The following STPG2 variants were observed in gnomAD, a reference collection of about 807,000 sequenced individuals.
STPG2 encodes sperm tail PG-rich repeat containing 2.
Under a neutral mutation model 54.2 loss-of-function variants are expected in STPG2, and 56 were observed. The ratio of observed to expected loss-of-function variants is 1.03; its 90% CI spans 0.83 to 1.29. STPG2 has a LOEUF of 1.29. Ranked by LOEUF, STPG2 falls within the 50% of genes most tolerant of loss-of-function variation. The probability of loss-of-function intolerance (pLI) is 0.00; values close to 1 mark genes in which losing one functional copy is unlikely to be tolerated. For missense variants in STPG2, 596 were observed against 544.9 expected (o/e 1.09, Z -0.93); for synonymous variants, 200 against 181.8 (o/e 1.10, Z -0.81).
chr4:97,567,215 C>T (rs938867803), intron 10 of STPG2, among the ~76,000 whole-genome samples: 4 of 150,956 alleles, frequency 2.6e-5, no homozygotes, highest in East Asian at 1.9e-4. Flanking sequence ...CACACATACA[C>T]ACACACACAC....
chr4:97,760,084 C>T (rs1233576638), intron 9 of STPG2, among the ~76,000 whole-genome samples: 1 of 152,138 alleles, frequency 6.6e-6, no homozygotes, highest in East Asian at 1.9e-4. Flanking sequence ...TGGGCTATCG[C>T]TCAAACAGGA....
intron 9 of STPG2, among the ~76,000 whole-genome samples, chr4:97,822,174 T>C (rs1728114979): frequency 6.6e-6 from 1 of 152,236 alleles, no homozygotes. Context: ...AAACAGGCCA[T>C]TTCTTAAATG....
At chr4:97,606,454 A>G (rs1035607065) in intron 10 of STPG2, among the ~76,000 whole-genome samples, 1 of 151,918 alleles carries the variant, frequency 6.6e-6, no homozygotes, top group Non-Finnish European at 1.5e-5. Context: ...AAGTGTAAAA[A>G]TATTTTATTG....
At chr4:97,542,142 G>T (rs1731724801) in intron 4 of STPG2, among the ~76,000 whole-genome samples, 1 of 152,100 alleles carries the variant, frequency 6.6e-6, no homozygotes, top group African/African-American at 2.4e-5. Flanking sequence ...AAACTAAAGA[G>T]CTTCTGCACT....
intron 4 of STPG2, among the ~76,000 whole-genome samples, chr4:97,480,834 T>C (rs1388779319): frequency 6.6e-6 from 1 of 151,570 alleles, no homozygotes; most frequent in Non-Finnish European, 1.5e-5. Context: ...AAACTATATG[T>C]TTTTAAAACA....
chr4:97,721,310 C>A (rs886278024), intron 9 of STPG2, among the ~76,000 whole-genome samples: 1 of 152,100 alleles, frequency 6.6e-6, no homozygotes, highest in African/African-American at 2.4e-5. Context: ...TAATGGACAT[C>A]ATATCTACCA....
At chr4:98,045,114 A>AG (rs1737085633) in intron 5 of STPG2, among the ~76,000 whole-genome samples, 1 of 146,324 alleles carries the variant, frequency 6.8e-6, no homozygotes, top group African/African-American at 2.5e-5. Flanking sequence ...AAAAAAAAAA[A>AG]GGAAAAACAA....
chr4:97,971,730 T>G (rs1192982581), intron 7 of STPG2, among the ~76,000 whole-genome samples: 1 of 151,918 alleles, frequency 6.6e-6, no homozygotes, highest in Non-Finnish European at 1.5e-5. Context: ...GAAACCAACA[T>G]GGAACATGTA....
At chr4:97,809,474 G>A (rs1727671189) in intron 9 of STPG2, among the ~76,000 whole-genome samples, 1 of 152,176 alleles carries the variant, frequency 6.6e-6, no homozygotes, top group Non-Finnish European at 1.5e-5. Flanking sequence ...TCAGCTGAAT[G>A]AGCTGGACCC....
chr4:97,877,502 G>C (rs1441100036), intron 8 of STPG2, among the ~76,000 whole-genome samples: 3 of 152,134 alleles, frequency 2.0e-5, no homozygotes, highest in Admixed American at 6.6e-5. Flanking sequence ...TATCATTATG[G>C]TGAAAGGCAA....
At chr4:97,912,797 T>A (rs1271509035) in intron 8 of STPG2, among the ~76,000 whole-genome samples, 4 of 152,220 alleles carry the variant, frequency 2.6e-5, no homozygotes, top group African/African-American at 4.8e-5. Context: ...ATGCCATGCA[T>A]TGGCATTTTG....
chr4:97,907,880 A>C (rs1302978266), intron 8 of STPG2, among the ~76,000 whole-genome samples: 2 of 152,210 alleles, frequency 1.3e-5, no homozygotes, highest in African/African-American at 2.4e-5. Flanking sequence ...AGATGGATTA[A>C]AGACTTAAAC....
chr4:97,849,893 C>A (rs972915157), intron 8 of STPG2, among the ~76,000 whole-genome samples: 1 of 152,040 alleles, frequency 6.6e-6, no homozygotes, highest in African/African-American at 2.4e-5. Flanking sequence ...ACTAGAAATA[C>A]CATTTGACCC....
At chr4:97,521,700 T>C (rs147875609) in intron 4 of STPG2, among the ~76,000 whole-genome samples, 33 of 152,118 alleles carry the variant, frequency 2.2e-4, no homozygotes, top group African/African-American at 7.7e-4. Flanking sequence ...CATATACAAC[T>C]TAAAATATGT....
intron 10 of STPG2, among the ~76,000 whole-genome samples, chr4:97,622,272 G>A (rs1443003341): frequency 6.6e-6 from 1 of 152,076 alleles, no homozygotes. Flanking sequence ...CTAAGTCCTA[G>A]CAAGAGCAAT....
intron 9 of STPG2, among the ~76,000 whole-genome samples, chr4:97,837,411 C>A (rs1260022361): frequency 6.6e-6 from 1 of 151,642 alleles, no homozygotes; most frequent in Non-Finnish European, 1.5e-5. Context: ...ATACCCCTGC[C>A]CCCAACCCAT....
At chr4:97,981,407 C>T (rs1734672516) in intron 5 of STPG2, 89 bp from the exon 6 acceptor site, 8 of 1,284,876 alleles carry the variant, frequency 6.2e-6, no homozygotes, top group Admixed American at 2.4e-5. Flanking sequence ...AGTAATATAA[C>T]ATCTGGAGTT....
At chr4:98,114,085 T>A (rs905276885) in intron 3 of STPG2, among the ~76,000 whole-genome samples, 1 of 151,970 alleles carries the variant, frequency 6.6e-6, no homozygotes, top group Non-Finnish European at 1.5e-5. Flanking sequence ...CAGTGGCAAT[T>A]CCAAAGACTG....
chr4:98,125,027 A>T (rs1739790663), intron 3 of STPG2, among the ~76,000 whole-genome samples: 1 of 152,164 alleles, frequency 6.6e-6, no homozygotes, highest in Non-Finnish European at 1.5e-5. Flanking sequence ...AGCTCCATCA[A>T]GGTGTTTATG....
Sources: allele counts gnomAD v4.1 joint callset (sites outside exome capture counted in the v4.1 genomes callset), GRCh38; gene constraint gnomAD v4.1.1; transcripts MANE v1.5; gene names NCBI Gene and HGNC (gene_info 2026-07-23, HGNC 2026-07-21).